Variants in DLGAP1 observed in about 807,000 individuals in gnomAD.
DLGAP1 encodes the protein DLG associated protein 1.
A neutral mutation model predicts 90.8 loss-of-function variants in DLGAP1; 11 were observed. The ratio of observed to expected loss-of-function variants is 0.12; its 90% CI spans 0.08 to 0.20. The LOEUF (loss-of-function observed/expected upper bound fraction) is 0.20. Ranked by LOEUF, DLGAP1 falls within the 10% of genes least tolerant of loss-of-function variation. The pLI is 1.00. For missense variants in DLGAP1, 1,050 were observed against 1,333.8 expected (o/e 0.79, Z 3.31); for synonymous variants, 558 against 540.7 (o/e 1.03, Z -0.44).
At chr18:4,137,049 C>G (rs922444724) in intron 2 of DLGAP1, among the ~76,000 whole-genome samples, 11 of 152,202 alleles carry the variant, frequency 7.2e-5, no homozygotes, top group East Asian at 1.9e-4. Flanking sequence ...ATCCCTCCCC[C>G]CTTCCCCCAC....
rs150369573 is a variant in DLGAP1, at chr18:4,297,747, CCT to C, written c.-266-146462_-266-146461del. On this transcript the variant is annotated intron_variant, in intron 1 of 12. Transcript: ENST00000315677. ...CTGGTATAACAGATAATTAATTTCT[CCT>C]CTCTCTCTCTCAATCTCTCTCTCTC... Among the ~76,000 whole-genome samples the C allele has an allele frequency of 3.4e-3, 521 of 151,608 alleles. 1 individual carries two copies. The highest frequency in any genetic ancestry group is 0.012 in the African/African-American group (483 of 41,348).
chr18:3,585,352 G>A (rs1402953504), intron 7 of DLGAP1, among the ~76,000 whole-genome samples: 1 of 152,214 alleles, frequency 6.6e-6, no homozygotes, highest in Non-Finnish European at 1.5e-5. Context: ...GTCCTGCTGG[G>A]AGTAACGCTC....
intron 2 of DLGAP1, among the ~76,000 whole-genome samples, chr18:4,027,254 C>T (rs897384903): frequency 6.6e-6 from 1 of 151,596 alleles, no homozygotes; most frequent in Non-Finnish European, 1.5e-5. Flanking sequence ...GCCTATAATC[C>T]CAGCACTTTG....
intron 2 of DLGAP1, among the ~76,000 whole-genome samples, chr18:4,119,919 G>C (rs527583123): frequency 6.6e-6 from 1 of 152,184 alleles, no homozygotes; most frequent in African/African-American, 2.4e-5. Context: ...CTATTTATTT[G>C]ATACAATGAC....
chr18:4,045,589 A>G (rs2075041530), intron 2 of DLGAP1, among the ~76,000 whole-genome samples: 1 of 151,620 alleles, frequency 6.6e-6, no homozygotes, highest in African/African-American at 2.4e-5. Context: ...GTAACAGAGC[A>G]AGACCCTGGT....
chr18:3,583,624 T>TG (rs1362155340), intron 7 of DLGAP1, among the ~76,000 whole-genome samples: 1 of 152,162 alleles, frequency 6.6e-6, no homozygotes, highest in Admixed American at 6.5e-5. Context: ...CCCTAAAGTG[T>TG]CTTTCTTTAG....
chr18:4,205,387 C>T (rs2077701725), intron 1 of DLGAP1, among the ~76,000 whole-genome samples: 1 of 152,138 alleles, frequency 6.6e-6, no homozygotes. Context: ...TATGGTTGGT[C>T]TGTGAAGGAT....
At chr18:3,589,609 G>A (rs1424735835) in intron 7 of DLGAP1, among the ~76,000 whole-genome samples, 1 of 152,136 alleles carries the variant, frequency 6.6e-6, no homozygotes, top group Non-Finnish European at 1.5e-5. Flanking sequence ...ATGTCCCAGA[G>A]TCAAGTAACA....
chr18:4,231,130 G>A (rs1046023647), intron 1 of DLGAP1, among the ~76,000 whole-genome samples: 1 of 151,804 alleles, frequency 6.6e-6, no homozygotes, highest in Non-Finnish European at 1.5e-5. Flanking sequence ...CTCTTGAGAA[G>A]AAATAAATGT....
intron 2 of DLGAP1, among the ~76,000 whole-genome samples, chr18:4,099,618 T>C (rs2075746233): frequency 6.6e-6 from 1 of 152,154 alleles, no homozygotes. Context: ...TGAAGGGTTT[T>C]ACCTCAATGT....
At chr18:4,143,946 T>A (rs1220271159) in intron 2 of DLGAP1, among the ~76,000 whole-genome samples, 2 of 152,100 alleles carry the variant, frequency 1.3e-5, no homozygotes, top group East Asian at 3.9e-4. Context: ...CTATCTGGTG[T>A]CCTAGCCTAC....
intron 3 of DLGAP1, among the ~76,000 whole-genome samples, chr18:3,976,221 C>CAAT (rs1568329951): frequency 9.6e-5 from 12 of 125,046 alleles, no homozygotes; most frequent in Non-Finnish European, 1.6e-4. Flanking sequence ...ATAATAATAA[C>CAAT]GATAATTAGC....
rs114997698 is a variant in DLGAP1, at chr18:3,944,280, G to A, written c.-73+60836C>T. On this transcript the variant is annotated intron_variant, in intron 3 of 12. Transcript: ENST00000315677. ...TGGGAAGCTGAGGCGAGTGGATCAT[G>A]GAGTCAGGAGTTCAAGACCAGCCTG... 8.1e-3 allele frequency among the ~76,000 whole-genome samples: 1,229 copies of A among 152,300 alleles called. 16 individuals carry two copies. Among genetic ancestry groups the A allele is most frequent in the South Asian group, 0.037 (177 of 4,818 alleles).
intron 1 of DLGAP1, among the ~76,000 whole-genome samples, chr18:4,380,767 C>T (rs1052808268): frequency 7.2e-5 from 11 of 152,154 alleles, no homozygotes; most frequent in Admixed American, 6.6e-4. Flanking sequence ...TCATCTCCTT[C>T]ACTCAGACAC....
intron 7 of DLGAP1, among the ~76,000 whole-genome samples, chr18:3,651,827 C>T (rs1253075268): frequency 2.6e-5 from 4 of 151,734 alleles, no homozygotes; most frequent in African/African-American, 9.7e-5. Flanking sequence ...ACAAAATAGC[C>T]GGGCGTGGTG....
intron 7 of DLGAP1, among the ~76,000 whole-genome samples, chr18:3,666,907 C>T (rs1221960448): frequency 6.7e-6 from 1 of 150,050 alleles, no homozygotes; most frequent in Non-Finnish European, 1.5e-5. Flanking sequence ...CAGGCGCCCA[C>T]CACTACACCC....
chr18:4,276,593 G>A lies in DLGAP1; in HGVS notation c.-266-125306C>T, dbSNP rs143039352. On this transcript the variant is annotated intron_variant, in intron 1 of 12. Transcript: ENST00000315677. ...AGAAGTTGCAGTGAGCTAAGATCTC[G>A]CCACTGCACTCCAGCCTGGATGACA... Among the ~76,000 whole-genome samples, 1,112 of 150,542 alleles carry A rather than the reference G, an allele frequency of 7.4e-3. 16 individuals are homozygous for A. The highest frequency in any genetic ancestry group is 0.026 in the African/African-American group (1,053 of 41,002).
At chr18:3,568,532 CTAAATA>C (rs1173556669) in intron 8 of DLGAP1, among the ~76,000 whole-genome samples, 1 of 151,630 alleles carries the variant, frequency 6.6e-6, no homozygotes, top group African/African-American at 2.4e-5. Flanking sequence ...AATGTTGTCT[CTAAATA>C]TAAAGACAAT....
intron 2 of DLGAP1, among the ~76,000 whole-genome samples, chr18:4,087,975 T>C (rs2075711833): frequency 6.6e-6 from 1 of 150,398 alleles, no homozygotes; most frequent in Non-Finnish European, 1.5e-5. Flanking sequence ...CTATTTGTTC[T>C]GTTTGTTAAT....
Sources: allele counts gnomAD v4.1 joint callset (sites outside exome capture counted in the v4.1 genomes callset), GRCh38; gene constraint gnomAD v4.1.1; transcripts MANE v1.5; gene names NCBI Gene and HGNC (gene_info 2026-07-23, HGNC 2026-07-21).